RBL1: variants seen among roughly 807,000 people sequenced by gnomAD.
The protein encoded by RBL1 is RB transcriptional corepressor like 1, also known as retinoblastoma-like protein 1.
RBL1 carries 82 observed loss-of-function variants against 123.0 expected under a neutral mutation model. The ratio of observed to expected loss-of-function variants is 0.67; its 90% confidence interval spans 0.56 to 0.80. The LOEUF (loss-of-function observed/expected upper bound fraction) is 0.80. Ranked by LOEUF, RBL1 falls within the 30% of genes least tolerant of loss-of-function variation. RBL1 has a pLI of 0.00. For synonymous variants in RBL1, 405 were observed against 441.3 expected, an observed-to-expected ratio of 0.92 and a Z score of 1.03; for missense variants, 1,171 against 1,299.6, an observed-to-expected ratio of 0.90 and a Z score of 1.52.
At chr20:37,095,752 G>C in intron 1 of RBL1, 21 bp downstream of exon 1, 1 of 1,567,124 alleles carries the variant, frequency 6.4e-7, no homozygotes. Context: ...GGGTCCGGCC[G>C]CCCCACCTGC....
chr20:37,013,856 T>C (rs76073843), intron 19 of RBL1, among the ~76,000 whole-genome samples: 4,548 of 152,216 alleles, frequency 0.03, 225 homozygotes, highest in African/African-American at 0.1. Flanking sequence ...CTGGGATATA[T>C]GAACTTACTG....
chr20:37,092,415 C>A (rs1390626593), intron 1 of RBL1, among the ~76,000 whole-genome samples: 2 of 152,012 alleles, frequency 1.3e-5, no homozygotes, highest in African/African-American at 4.8e-5. Context: ...AGGGCCACTG[C>A]AGTCTTGACT....
At chr20:37,005,372 A>C (rs1600442576) in intron 20 of RBL1, among the ~76,000 whole-genome samples, 1 of 150,468 alleles carries the variant, frequency 6.6e-6, no homozygotes, top group Non-Finnish European at 1.5e-5. Flanking sequence ...TGCCACTTGC[A>C]CTCCAGCCTG....
chr20:37,040,350 A>G, intron 13 of RBL1, 65 bp from the exon 14 acceptor site: 1 of 1,568,938 alleles, frequency 6.4e-7, no homozygotes, highest in South Asian at 1.2e-5. Context: ...CTTATTAAAA[A>G]TGTTTTCTTT....
At position 37,011,035 on chromosome 20, in the gene RBL1, G is replaced by T. The variant is rs1367411962; in HGVS notation, c.2723-3476C>A. ...GGGTCTTGCTGTGTTGCTCATGCTG[G>T]TCTTTAATTTCCGGGCTCAAGGGAT... On this transcript the variant is annotated intron_variant, in intron 19 of 21. Coordinates refer to ENST00000373664, the MANE Select transcript of RBL1 (RefSeq NM_002895.5). Among the ~76,000 whole-genome samples, 8 of 151,926 alleles carry T rather than the reference G, an allele frequency of 5.3e-5. No individual in the cohort carries two copies. The South Asian group carries it at 8.4e-4, about 16-fold the overall frequency.
chr20:37,039,613 TCCCCA>T (rs1262011463), intron 14 of RBL1, among the ~76,000 whole-genome samples: 1 of 152,202 alleles, frequency 6.6e-6, no homozygotes, highest in Non-Finnish European at 1.5e-5. Context: ...TCGTGAGGCC[TCCCCA>T]GCCATGTGGA....
rs781023592 is a variant in RBL1, at chr20:36,998,901, C to T, written c.3065G>A (p.Arg1022Lys). Residue 1022 changes from arginine to lysine, a missense_variant, in exon 22 of 22, where the codon AGG becomes AAG. By Grantham distance (26) the Arg-to-Lys change is conservative (BLOSUM62 2). Transcript: ENST00000373664. ...CTTCTTGGTTCTCTGCTCACCTTGC[C>T]TTATCATGTTGTTGATATCTTTCAA... is the stretch of plus-strand genomic sequence containing the variant. Reference protein sequence around the residue: ...KSLKDINNMIRQGEQRTKKRV... With the variant: ...KSLKDINNMIKQGEQRTKKRV... 2 of 1,613,458 alleles carry T rather than the reference C, an allele frequency of 1.2e-6. No homozygotes were observed. Among genetic ancestry groups the T allele is most frequent in the South Asian group, 2.2e-5 (2 of 90,940 alleles).
At chr20:37,075,162 C>T (rs1390782850) in intron 2 of RBL1, among the ~76,000 whole-genome samples, 1 of 152,142 alleles carries the variant, frequency 6.6e-6, no homozygotes, top group East Asian at 1.9e-4. Flanking sequence ...ATAGAAAACT[C>T]TATAGAGACA....
rs1253968908 is a variant in RBL1, at chr20:37,004,017, CTTCT to C, written c.2872-155_2872-152del. On this transcript the variant is annotated intron_variant, in intron 20 of 21. Transcript: ENST00000373664. ...TGAGAAAAAAAATGATCCTTTACTT[CTTCT>C]TTTTTTTTTTTAACAACAATAGATA... 65 of 480,220 alleles carry C rather than the reference CTTCT, an allele frequency of 1.4e-4. No individual in the cohort carries two copies. The South Asian group carries it at 1.6e-3, about 11-fold the overall frequency. 29.7% of individuals were successfully genotyped at this position (480,220 alleles called of 1,614,324 possible).
intron 17 of RBL1, among the ~76,000 whole-genome samples, 184 bp downstream of exon 17, chr20:37,022,466 A>G (rs890090934): frequency 1.3e-5 from 2 of 152,140 alleles, no homozygotes; most frequent in East Asian, 1.9e-4. Flanking sequence ...AGCTGGGCCT[A>G]TAGGTGCAAG....
chr20:37,082,889 C>A (rs1293169873), intron 2 of RBL1, among the ~76,000 whole-genome samples: 1 of 152,086 alleles, frequency 6.6e-6, no homozygotes, highest in Non-Finnish European at 1.5e-5. Flanking sequence ...GTAGTCCCAG[C>A]TACTTGGGAG....
At chr20:37,039,803 A>G (rs957325764) in intron 14 of RBL1, among the ~76,000 whole-genome samples, 1 of 151,992 alleles carries the variant, frequency 6.6e-6, no homozygotes, top group African/African-American at 2.4e-5. Context: ...TTCAAACACA[A>G]TCCTCAATAC....
At chr20:36,999,310 G>A (rs1191210665) in intron 21 of RBL1, among the ~76,000 whole-genome samples, 1 of 151,438 alleles carries the variant, frequency 6.6e-6, no homozygotes, top group African/African-American at 2.4e-5. Flanking sequence ...GGAGGTTAAG[G>A]AGCATCACCT....
intron 17 of RBL1, among the ~76,000 whole-genome samples, chr20:37,021,481 G>A (rs2064339079): frequency 6.7e-6 from 1 of 148,582 alleles, no homozygotes; most frequent in Non-Finnish European, 1.5e-5. Flanking sequence ...GTCTCAGTCT[G>A]TCATCCAGGC....
At chr20:37,076,313 A>G (rs2065363113) in intron 2 of RBL1, among the ~76,000 whole-genome samples, 1 of 152,236 alleles carries the variant, frequency 6.6e-6, no homozygotes, top group Admixed American at 6.5e-5. Flanking sequence ...TAGGCACAGT[A>G]AGAGTTTAAC....
intron 9 of RBL1, among the ~76,000 whole-genome samples, chr20:37,058,444 G>A (rs2065047585): frequency 6.6e-6 from 1 of 151,682 alleles, no homozygotes. Context: ...GAACCTGGGA[G>A]GTGGAGGTTG....
rs1433713897 is a variant in RBL1 at position 37,035,367 on chromosome 20, T to A, written c.2045A>T (p.Lys682Ile). Reference sequence around the variant, plus strand: ...AGTAATGCTTGAAGAAGGAGCGATTTTCAATTTTGTTCCTTCTGTTATGAT... The same window carrying A: ...AGTAATGCTTGAAGAAGGAGCGATTATCAATTTTGTTCCTTCTGTTATGAT... ...DKIITEGTKL[K>I]IAPSSSITAE... The change falls in exon 15 of 22, where the codon AAA becomes ATA. Residue 682 changes from lysine to isoleucine, a missense_variant. Lys to Ile is a moderately radical substitution (Grantham distance 102, BLOSUM62 -3). Coordinates refer to ENST00000373664, the MANE Select transcript of RBL1 (RefSeq NM_002895.5). The A allele has an allele frequency of 6.2e-7, 1 of 1,614,182 alleles. No homozygotes were observed.
At chr20:37,057,666 G>C (rs1256839469) in intron 9 of RBL1, among the ~76,000 whole-genome samples, 2 of 151,876 alleles carry the variant, frequency 1.3e-5, no homozygotes, top group Non-Finnish European at 2.9e-5. Flanking sequence ...TTTTTACTCT[G>C]TTGATTGTTT....
At position 37,095,958 on chromosome 20, in the gene RBL1, G is replaced by C. The variant is rs1416967503; in HGVS notation, c.-30C>G. 6.8e-7 allele frequency: 1 copy of C among 1,467,020 alleles called. No homozygotes were observed. Among genetic ancestry groups the C allele is most frequent in the African/African-American group, 1.4e-5 (1 of 71,150 alleles). 90.9% of individuals were successfully genotyped at this position (1,467,020 alleles called of 1,614,324 possible). ...TCAGGCCCCGCGGGCTGCGCGCCAC[G>C]GCCCCCGACTTCTTTCTCCCTCCCA... On this transcript the variant is annotated 5_prime_UTR_variant, in exon 1 of 22. Transcript: ENST00000373664.
Sources: allele counts gnomAD v4.1 joint callset (sites outside exome capture counted in the v4.1 genomes callset), GRCh38; gene constraint gnomAD v4.1.1; transcripts MANE v1.5; gene names NCBI Gene and HGNC (gene_info 2026-07-23, HGNC 2026-07-21).